Variants in CROCC2 observed in about 807,000 individuals in gnomAD.
CROCC2 encodes ciliary rootlet coiled-coil, rootletin family member 2.
In CROCC2, 163 loss-of-function variants were observed where a neutral mutation model predicts 177.6. The ratio of observed to expected loss-of-function variants is 0.92; its 90% CI spans 0.81 to 1.05. The LOEUF is 1.05. Ranked by LOEUF, CROCC2 falls within the 50% of genes least tolerant of loss-of-function variation. CROCC2 has a pLI of 0.00. For synonymous variants in CROCC2, 904 were observed against 787.3 expected (o/e 1.15, Z -2.48); for missense variants, 1,929 against 1,797.8 (o/e 1.07, Z -1.32).
At chr2:240,950,535 G>C in intron 18 of CROCC2, 25 bp downstream of exon 18, 1 of 1,536,242 alleles carries the variant, frequency 6.5e-7, no homozygotes, top group Non-Finnish European at 8.8e-7. Flanking sequence ...GGGGGGCAGC[G>C]GGATTGCTCA....
At position 240,961,861 on chromosome 2, in the gene CROCC2, CA is replaced by C. The variant is rs1343188499; in HGVS notation, c.3088-1694del. ...CATACACTCATGACACACACGCACA[CA>C]CTCATCACACATGCTCATCACACAC... On this transcript the variant is annotated intron_variant, in intron 20 of 31. Transcript: ENST00000690015. 1.5e-4 allele frequency among the ~76,000 whole-genome samples: 4 copies of C among 27,274 alleles called. 1 individual carries two copies. In the East Asian group the frequency reaches 3.0e-3, roughly 20 times the overall value. The allele number at this position is 27,274 out of a possible 152,430, so 17.9% of individuals were successfully genotyped here.
At chr2:240,990,206 G>A (rs1422430461) in intron 30 of CROCC2, among the ~76,000 whole-genome samples, 1 of 152,214 alleles carries the variant, frequency 6.6e-6, no homozygotes, top group Non-Finnish European at 1.5e-5. Context: ...AGCAGAGGTG[G>A]CCTCTGCACC....
intron 5 of CROCC2, 64 bp from the exon 6 acceptor site, chr2:240,930,102 A>T: frequency 1.9e-6 from 1 of 522,526 alleles, no homozygotes; most frequent in Non-Finnish European, 3.5e-6. Context: ...CTTGGAAAAG[A>T]GTGGGCTTCA....
At chr2:240,957,898 G>C (rs1032604674) in intron 19 of CROCC2, 2 of 860,972 alleles carry the variant, frequency 2.3e-6, no homozygotes, top group African/African-American at 3.7e-5. Context: ...GCTCCACCCC[G>C]TGGGCAGGGA....
chr2:240,950,373 G>T lies in CROCC2; in HGVS notation c.2692G>T (p.Ala898Ser). 1 of 1,550,302 alleles carries T rather than the reference G, an allele frequency of 6.5e-7. No homozygotes were observed. The highest frequency in any genetic ancestry group is 2.4e-5 in the East Asian group (1 of 40,920). Reference protein sequence around the residue: ...SLTLAEEKEVARCQLEQEKEL... With the variant: ...SLTLAEEKEVSRCQLEQEKEL... ...GACCCTGGCAGAGGAGAAGGAGGTA[G>T]CCAGATGCCAGCTGGAGCAGGAGAA... Residue 898 changes from alanine (A) to serine (S), a missense_variant, in exon 18 of 32, where the codon GCC becomes TCC. By Grantham distance (99) the Ala-to-Ser change is moderately conservative. Transcript: ENST00000690015.
chr2:240,907,271 G>A (rs2059261696), intron 1 of CROCC2, among the ~76,000 whole-genome samples: 1 of 152,126 alleles, frequency 6.6e-6, no homozygotes, highest in Admixed American at 6.5e-5. Flanking sequence ...TGACAACAGT[G>A]GCTGGGAATT....
At chr2:240,967,302 C>A in intron 25 of CROCC2, 43 bp from the exon 26 acceptor site, 1 of 631,380 alleles carries the variant, frequency 1.6e-6, no homozygotes, top group Non-Finnish European at 3.0e-6. Flanking sequence ...GCCCTCCACC[C>A]GCCCATTGGA....
intron 18 of CROCC2, among the ~76,000 whole-genome samples, chr2:240,952,059 T>C (rs1384598564): frequency 6.6e-6 from 1 of 152,118 alleles, no homozygotes; most frequent in Non-Finnish European, 1.5e-5. Context: ...TTGGTACAAA[T>C]TACAGGCCGG....
Position 240,932,867 on chromosome 2 carries a change from G to C in CROCC2, c.1210G>C (p.Ala404Pro), listed in dbSNP as rs1215274387. 2 of 1,546,880 alleles carry C rather than the reference G, an allele frequency of 1.3e-6. No homozygotes were observed. The highest frequency in any genetic ancestry group is 2.7e-5 in the African/African-American group (2 of 72,970). Reference sequence around the variant, plus strand: ...AGCCACCCTGGACCCCGCACTGCAGGCCATGCGGGCAGCCATAGAGAGGCG... The same window carrying C: ...AGCCACCCTGGACCCCGCACTGCAGCCCATGCGGGCAGCCATAGAGAGGCG... ...SPATLDPALQ[A>P]MRAAIERRWR... is the part of the protein sequence containing the mutation. The change falls in exon 9 of 32, where the codon GCC becomes CCC. Residue 404 changes from alanine to proline, a missense_variant. Ala to Pro is a conservative substitution (Grantham distance 27). Transcript: ENST00000690015.
chr2:240,932,575 C>T (rs573976574), intron 8 of CROCC2, 127 bp from the exon 9 acceptor site: 3 of 690,612 alleles, frequency 4.3e-6, no homozygotes, highest in African/African-American at 1.8e-5. Context: ...TGTGGCCCCT[C>T]GCCTGTCCTC....
chr2:240,933,415 G>C, intron 10 of CROCC2, 73 bp downstream of exon 10: 1 of 1,384,224 alleles, frequency 7.2e-7, no homozygotes, highest in Non-Finnish European at 9.5e-7. Context: ...CTGCTGTCAG[G>C]ACAAGCACCT....
At chr2:240,975,410 G>A (rs192622903) in intron 27 of CROCC2, among the ~76,000 whole-genome samples, 18,838 of 152,214 alleles carry the variant, frequency 0.12, 1,200 homozygotes, top group South Asian at 0.19. Context: ...GCAGGACGGG[G>A]CAGCTCGCCA....
chr2:240,914,771 A>G (rs1401931419), intron 1 of CROCC2, among the ~76,000 whole-genome samples: 1 of 152,198 alleles, frequency 6.6e-6, no homozygotes, highest in Non-Finnish European at 1.5e-5. Context: ...CTGTCCAAGC[A>G]GGACGGGACG....
intron 20 of CROCC2, chr2:240,963,153 A>G: frequency 5.3e-6 from 1 of 187,326 alleles, no homozygotes; most frequent in Non-Finnish European, 1.1e-5. Flanking sequence ...TGGGCACCAC[A>G]CTGTCACCTA....
intron 14 of CROCC2, among the ~76,000 whole-genome samples, chr2:240,943,832 T>G (rs1198906431): frequency 6.6e-6 from 1 of 152,198 alleles, no homozygotes; most frequent in African/African-American, 2.4e-5. Flanking sequence ...ACTTAGGACT[T>G]GGCAGATACC....
intron 27 of CROCC2, among the ~76,000 whole-genome samples, chr2:240,975,496 G>A (rs2059753861): frequency 6.6e-6 from 1 of 152,218 alleles, no homozygotes; most frequent in Non-Finnish European, 1.5e-5. Flanking sequence ...AAATGGGTAT[G>A]AGGCTGAGGA....
At chr2:240,932,501 G>T in intron 8 of CROCC2, 87 bp downstream of exon 8, 1 of 707,746 alleles carries the variant, frequency 1.4e-6, no homozygotes. Context: ...GCCTGGTGCG[G>T]CAGTGGACGG....
chr2:240,922,545 G>T lies in CROCC2; in HGVS notation c.388G>T (p.Ala130Ser), dbSNP rs1289870757. 1.4e-6 allele frequency: 1 copy of T among 695,022 alleles called. No homozygotes were observed. Among genetic ancestry groups the T allele is most frequent in the Non-Finnish European group, 2.7e-6 (1 of 371,510 alleles). The allele number at this position is 695,022 out of a possible 1,614,324, so 43.1% of individuals were successfully genotyped here. The change falls in exon 4 of 32, where the codon GCC becomes TCC. Residue 130 changes from alanine to serine, a missense_variant. Transcript: ENST00000690015. Reference sequence around the variant, plus strand: ...GGCTATTGCTCCTCCCCAGCTGCAGGCCCGGCTGGAGACCACCGAGGCTCA... The same window carrying T: ...GGCTATTGCTCCTCCCCAGCTGCAGTCCCGGCTGGAGACCACCGAGGCTCA... ...RCRVVSEQLQARLETTEAQLR... is the reference protein window; with the variant it reads ...RCRVVSEQLQSRLETTEAQLR...
At chr2:240,929,735 C>A (rs954000182) in intron 5 of CROCC2, 18 of 461,562 alleles carry the variant, frequency 3.9e-5, no homozygotes, top group Non-Finnish European at 7.8e-5. Context: ...GCAGCCCGTC[C>A]TCTTCCATTG....
Sources: allele counts gnomAD v4.1 joint callset (sites outside exome capture counted in the v4.1 genomes callset), GRCh38; gene constraint gnomAD v4.1.1; transcripts MANE v1.5; gene names NCBI Gene and HGNC (gene_info 2026-07-23, HGNC 2026-07-21).